L3MBTL4: variants seen among roughly 807,000 people sequenced by gnomAD.
L3MBTL4 encodes the protein L3MBTL histone methyl-lysine binding protein 4, also known as lethal(3)malignant brain tumor-like protein 4.
L3MBTL4 carries 70 observed loss-of-function variants against 84.5 expected under a neutral mutation model. The ratio of observed to expected loss-of-function variants is 0.83; its 90% CI spans 0.68 to 1.01. L3MBTL4 has a LOEUF of 1.01. Ranked by LOEUF, L3MBTL4 falls within the 50% of genes least tolerant of loss-of-function variation. The pLI is 0.00. For synonymous variants in L3MBTL4, 274 were observed against 259.8 expected, an observed-to-expected ratio of 1.05 and a Z score of -0.52; for missense variants, 715 against 754.8, an observed-to-expected ratio of 0.95 and a Z score of 0.62.
At position 6,060,437 on chromosome 18, in the gene L3MBTL4, G is replaced by T. The variant is rs562400734; in HGVS notation, c.1444+20444C>A. Among the ~76,000 whole-genome samples the T allele has an allele frequency of 1.6e-4, 24 of 149,234 alleles. No homozygotes were observed. In the East Asian group the frequency reaches 3.9e-3, roughly 24 times the overall value. On this transcript the variant is annotated intron_variant, in intron 16 of 18. Transcript: ENST00000317931. ...AATTGATCTTTTATTTTTCAGGGCAGTTTTAGGTTTATAAAAAAAAAATTT... is the reference window on the plus strand; with the variant it reads ...AATTGATCTTTTATTTTTCAGGGCATTTTTAGGTTTATAAAAAAAAAATTT...
rs1396978099 is a variant in L3MBTL4 at position 6,310,968 on chromosome 18, A to G, written c.72+586T>C. On this transcript the variant is annotated intron_variant, in intron 3 of 18. Transcript: ENST00000317931. ...CTTAAGAGAAAAAACAGGTCCCCCA[A>G]GGAAGAAGGAATTCTGCCTGCAGAC... Among the ~76,000 whole-genome samples, 2 of 152,182 alleles carry G rather than the reference A, an allele frequency of 1.3e-5. 1 individual carries two copies. Among genetic ancestry groups the G allele is most frequent in the South Asian group, 4.1e-4 (2 of 4,830 alleles).
intron 3 of L3MBTL4, among the ~76,000 whole-genome samples, chr18:6,307,638 T>G (rs865806515): frequency 1.3e-5 from 2 of 152,138 alleles, no homozygotes; most frequent in Non-Finnish European, 2.9e-5. Context: ...GGGCTACATA[T>G]GTACTTAGTT....
chr18:6,191,528 T>C (rs1395733426), intron 12 of L3MBTL4, among the ~76,000 whole-genome samples: 1 of 152,174 alleles, frequency 6.6e-6, no homozygotes, highest in Non-Finnish European at 1.5e-5. Flanking sequence ...GAGATATCTA[T>C]TCGACATAAA....
intron 16 of L3MBTL4, among the ~76,000 whole-genome samples, chr18:6,005,345 C>CAAA (rs61290795): frequency 2.6e-5 from 4 of 151,670 alleles, no homozygotes; most frequent in Non-Finnish European, 2.9e-5. Flanking sequence ...GACACTGTCT[C>CAAA]ACAAACACAA....
chr18:6,187,912 G>A lies in L3MBTL4; in HGVS notation c.982-15970C>T, dbSNP rs551471304. On this transcript the variant is annotated intron_variant, in intron 12 of 18. Transcript: ENST00000317931. ...GTGTCTGCTCTCTACAATTTTGTGT[G>A]TAGTGAGAGCTAAACATAACCTAAA... is the stretch of plus-strand genomic sequence containing the variant. Among the ~76,000 whole-genome samples the A allele has an allele frequency of 2.0e-5, 3 of 148,546 alleles. No homozygotes were observed. The East Asian group carries it at 5.9e-4, about 29-fold the overall frequency.
chr18:6,250,585 C>T (rs753332303), intron 5 of L3MBTL4, among the ~76,000 whole-genome samples: 13 of 152,000 alleles, frequency 8.6e-5, no homozygotes, highest in East Asian at 1.9e-4. Flanking sequence ...TTCAAAGGCA[C>T]GGGTAGGCAG....
intron 15 of L3MBTL4, among the ~76,000 whole-genome samples, chr18:6,086,020 A>G (rs1333514231): frequency 6.6e-6 from 1 of 152,198 alleles, no homozygotes; most frequent in Non-Finnish European, 1.5e-5. Context: ...GTTTGATAGA[A>G]AAAGGTGTGG....
intron 16 of L3MBTL4, among the ~76,000 whole-genome samples, chr18:6,041,661 C>A (rs2056406652): frequency 6.6e-6 from 1 of 151,770 alleles, no homozygotes; most frequent in African/African-American, 2.4e-5. Context: ...CCAGCACTCG[C>A]AGCCACACTA....
chr18:6,110,679 T>C (rs2059167476), intron 14 of L3MBTL4, among the ~76,000 whole-genome samples: 2 of 151,702 alleles, frequency 1.3e-5, no homozygotes, highest in South Asian at 2.1e-4. Flanking sequence ...TGTACATGTG[T>C]ATTGTGCAGG....
At chr18:5,981,101 A>C (rs1013602665) in intron 16 of L3MBTL4, among the ~76,000 whole-genome samples, 3 of 152,050 alleles carry the variant, frequency 2.0e-5, no homozygotes, top group Non-Finnish European at 4.4e-5. Context: ...GTGTACTCAA[A>C]TATGCTCTCC....
At chr18:6,240,208 T>C (rs1216818472) in intron 8 of L3MBTL4, among the ~76,000 whole-genome samples, 1 of 152,130 alleles carries the variant, frequency 6.6e-6, no homozygotes, top group Non-Finnish European at 1.5e-5. Context: ...CACAATAGTA[T>C]CAAATAACCT....
intron 16 of L3MBTL4, chr18:6,030,559 T>C (rs1327289297): frequency 1.2e-6 from 1 of 808,830 alleles, no homozygotes; most frequent in East Asian, 1.3e-4. Context: ...TGATGTACAG[T>C]GGCACGATCT....
At chr18:6,278,223 C>T (rs185923827) in intron 4 of L3MBTL4, among the ~76,000 whole-genome samples, 5 of 152,150 alleles carry the variant, frequency 3.3e-5, no homozygotes, top group Admixed American at 1.3e-4. Flanking sequence ...TTTGCTGTTA[C>T]ATTATGGTAA....
intron 1 of L3MBTL4, among the ~76,000 whole-genome samples, chr18:6,341,136 C>G (rs538396016): frequency 1.3e-5 from 2 of 152,160 alleles, no homozygotes; most frequent in South Asian, 4.1e-4. Flanking sequence ...GTCTTTCTCT[C>G]TTGAAGCCAG....
intron 1 of L3MBTL4, among the ~76,000 whole-genome samples, chr18:6,316,040 G>C (rs2051076703): frequency 6.6e-6 from 1 of 151,920 alleles, no homozygotes; most frequent in Non-Finnish European, 1.5e-5. Context: ...CACTCTCACG[G>C]AGTCCATGCC....
At position 6,171,868 on chromosome 18, in the gene L3MBTL4, T is replaced by G. The variant is rs2145203415; in HGVS notation, c.1056A>C (p.Gly352=). ...EADSPDIHPI[G]WCDVTGHPLE... Reference sequence around the variant, plus strand: ...GTGGATGCCCTGTGACATCACACCATCCGATCGGGTGGATATCAGGGCTGT... The same window carrying G: ...GTGGATGCCCTGTGACATCACACCAGCCGATCGGGTGGATATCAGGGCTGT... Residue 352 remains glycine, a synonymous_variant, in exon 13 of 19, where the codon GGA becomes GGC. Coordinates refer to ENST00000317931, the MANE Select transcript of L3MBTL4 (RefSeq NM_001330559.2). The G allele has an allele frequency of 3.9e-6, 6 of 1,553,994 alleles. No homozygotes were observed. Among genetic ancestry groups the G allele is most frequent in the Non-Finnish European group, 3.5e-6 (4 of 1,147,672 alleles).
chr18:6,117,970 G>T (rs1185012286), intron 14 of L3MBTL4, among the ~76,000 whole-genome samples: 2 of 151,946 alleles, frequency 1.3e-5, no homozygotes, highest in Non-Finnish European at 2.9e-5. Flanking sequence ...ACAGGCTCAG[G>T]TGCCTGAGAA....
chr18:6,335,934 C>A (rs991876180), intron 1 of L3MBTL4, among the ~76,000 whole-genome samples: 7 of 152,130 alleles, frequency 4.6e-5, no homozygotes, highest in African/African-American at 7.2e-5. Flanking sequence ...AGTGTGAAAA[C>A]GGACTAATAC....
chr18:6,067,147 G>A (rs1758637769), intron 16 of L3MBTL4, among the ~76,000 whole-genome samples: 1 of 152,100 alleles, frequency 6.6e-6, no homozygotes, highest in African/African-American at 2.4e-5. Flanking sequence ...TGGCTTGTAG[G>A]GTTTCTGCTG....
Sources: gnomAD v4.1 joint callset for allele counts (sites outside exome capture counted in the v4.1 genomes callset) on GRCh38, gnomAD v4.1.1 for gene constraint, MANE v1.5 for transcripts, NCBI Gene and HGNC (gene_info 2026-07-23, HGNC 2026-07-21) for gene names.